Variants in ZNF462 observed in about 807,000 individuals in gnomAD.
ZNF462 encodes zinc finger PBX1-interacting protein.
In ZNF462, 10 loss-of-function variants were observed where a neutral mutation model predicts 201.9. That is an observed-to-expected ratio of 0.05 (90% CI 0.03 to 0.08). The LOEUF is 0.08. Among genes scored for constraint, ZNF462 ranks in the 10% least tolerant of loss-of-function variants. The pLI is 1.00. For synonymous variants in ZNF462, 1,227 were observed against 1,193.3 expected (o/e 1.03, Z -0.58); for missense variants, 2,523 against 3,168.3 (o/e 0.80, Z 4.89).
At chr9:106,991,473 T>C (rs926026999) in intron 10 of ZNF462, among the ~76,000 whole-genome samples, 1 of 151,946 alleles carries the variant, frequency 6.6e-6, no homozygotes, top group Admixed American at 6.6e-5. Flanking sequence ...TTCATAATCA[T>C]GTACAGATTC....
intron 1 of ZNF462, among the ~76,000 whole-genome samples, chr9:106,864,031 G>T (rs1198891921): frequency 2.1e-5 from 2 of 93,086 alleles, no homozygotes; most frequent in East Asian, 6.9e-4. Context: ...CTCTTCCTCA[G>T]GTATTTGGCT....
At position 106,950,672 on chromosome 9, in the gene ZNF462, GT is replaced by G. The variant is rs1831303587; in HGVS notation, c.6427+11567del. ...CCTATTAGCACATTAAAATTGATCA[GT>G]TCTGTGTGTTGTTCTGTGGACAATA... On this transcript the variant is annotated intron_variant, in intron 7 of 12. Coordinates refer to ENST00000277225, the MANE Select transcript of ZNF462 (RefSeq NM_021224.6). This position sits in a 1 kb window ranked among gnomAD's most constrained non-coding sequence, Gnocchi z 4.1. 1.3e-5 allele frequency among the ~76,000 whole-genome samples: 2 copies of G among 152,168 alleles called. No homozygotes were observed. The highest frequency in any genetic ancestry group is 1.3e-4 in the Admixed American group (2 of 15,268).
intron 9 of ZNF462, chr9:106,975,663 G>A (rs73668717): frequency 0.018 from 2,692 of 152,394 alleles, 76 homozygotes; most frequent in African/African-American, 0.062. Context: ...ATGTGTTGCG[G>A]TGGCTCTGTG....
chr9:106,867,704 TA>T (rs1827403520), intron 1 of ZNF462, among the ~76,000 whole-genome samples: 1 of 152,152 alleles, frequency 6.6e-6, no homozygotes, highest in African/African-American at 2.4e-5. Context: ...AAAGGAATGG[TA>T]AAGTTGCAAT....
rs534078342 is a variant in ZNF462, at chr9:106,890,572, G to A, written c.-31+27217G>A. Among the ~76,000 whole-genome samples the A allele has an allele frequency of 2.0e-5, 3 of 152,300 alleles. No individual in the cohort carries two copies. The highest frequency in any genetic ancestry group is 7.2e-5 in the African/African-American group (3 of 41,556). Reference sequence around the variant, plus strand: ...CCATTTGTAGTGAGAAACATTTGAAGCTTGTCCCCACTCAACAATGATGAT... The same window carrying A: ...CCATTTGTAGTGAGAAACATTTGAAACTTGTCCCCACTCAACAATGATGAT... On this transcript the variant is annotated intron_variant, in intron 1 of 12. Coordinates refer to ENST00000277225, the MANE Select transcript of ZNF462 (RefSeq NM_021224.6). This position sits in a 1 kb window ranked among gnomAD's most constrained non-coding sequence, Gnocchi z 4.2.
In ZNF462 at chr9:107,013,069, T is replaced by C. The variant is rs1307994441; in HGVS notation, c.*2039T>C. 1 of 143,718 alleles carries C rather than the reference T, an allele frequency of 7.0e-6. No individual in the cohort carries two copies. The highest frequency in any genetic ancestry group is 2.1e-4 in the South Asian group (1 of 4,800). The allele number at this position is 143,718 out of a possible 1,614,324, so 8.9% of individuals were successfully genotyped here. Reference sequence around the variant, plus strand: ...TGTATTAAACAGTTCCATACCTGGATTGGGTGTTTGTAATGGTTACCAAAA... The same window carrying C: ...TGTATTAAACAGTTCCATACCTGGACTGGGTGTTTGTAATGGTTACCAAAA... On this transcript the variant is annotated 3_prime_UTR_variant, in exon 13 of 13. Coordinates refer to ENST00000277225, the MANE Select transcript of ZNF462 (RefSeq NM_021224.6).
At position 106,883,007 on chromosome 9, in the gene ZNF462, A is replaced by G. The variant is rs1032136970; in HGVS notation, c.-31+19652A>G. On this transcript the variant is annotated intron_variant, in intron 1 of 12. Coordinates refer to ENST00000277225, the MANE Select transcript of ZNF462 (RefSeq NM_021224.6). The surrounding 1 kb of genome is among the most constrained non-coding windows in gnomAD (Gnocchi z 4.9). ...ATGTTCTTTGAAGATGGTCAAGCAG[A>G]TTCAGAAAACATCCTTCTTCACCTT... Among the ~76,000 whole-genome samples the G allele has an allele frequency of 1.3e-5, 2 of 152,244 alleles. No individual in the cohort carries two copies. The highest frequency in any genetic ancestry group is 1.5e-5 in the Non-Finnish European group (1 of 68,038).
rs1305395646 is a variant in ZNF462, at chr9:106,927,601, C to T, written c.3689C>T (p.Thr1230Met). The T allele has an allele frequency of 2.5e-6, 4 of 1,613,892 alleles. No homozygotes were observed. The highest frequency in any genetic ancestry group is 3.4e-6 in the Non-Finnish European group (4 of 1,179,938). Residue 1230 changes from threonine to methionine, a missense_variant, in exon 3 of 13, where the codon ACG becomes ATG. Physicochemically the swap from Thr to Met is moderately conservative, Grantham distance 81. This residue lies in a region of ZNF462 where 222 missense variants were observed against 271.6 expected (regional missense o/e 0.82). Transcript: ENST00000277225. Reference sequence around the variant, plus strand: ...AATGCAGATGTGATCCGGCAGCATACGGCCACCATTCGAAGCCTCTGCGAC... The same window carrying T: ...AATGCAGATGTGATCCGGCAGCATATGGCCACCATTCGAAGCCTCTGCGAC... ...KANADVIRQHTATIRSLCDRN... is the reference protein window; with the variant it reads ...KANADVIRQHMATIRSLCDRN...
chr9:106,927,735 C>T lies in ZNF462; in HGVS notation c.3823C>T (p.Pro1275Ser), dbSNP rs2131491241. The change falls in exon 3 of 13, where the codon CCC becomes TCC. Residue 1275 changes from proline to serine, a missense_variant. Physicochemically the swap from Pro to Ser is moderately conservative, Grantham distance 74. Coordinates refer to ENST00000277225, the MANE Select transcript of ZNF462 (RefSeq NM_021224.6). The stretch of plus-strand genomic sequence containing the variant: ...ATGTAGGCAGTGCTCATATACCTCC[C>T]CCTACTTCTATGCACTGAGGAAGCA... ...LKCRQCSYTS[P>S]YFYALRKHIK... The T allele has an allele frequency of 6.2e-7, 1 of 1,614,128 alleles. No individual in the cohort carries two copies. Among genetic ancestry groups the T allele is most frequent in the Non-Finnish European group, 8.5e-7 (1 of 1,180,028 alleles).
rs75023165 is a variant in ZNF462, at chr9:107,005,404, G to C, written c.7189+1978G>C. 2.6e-5 allele frequency among the ~76,000 whole-genome samples: 4 copies of C among 152,214 alleles called. No individual in the cohort carries two copies. The highest frequency in any genetic ancestry group is 5.9e-5 in the Non-Finnish European group (4 of 68,002). ...CTTCACTCTTTTTGATAATAGCCTC[G>C]TAACAGGTGTGAAGTGATAGCTCAT... On this transcript the variant is annotated intron_variant, in intron 11 of 12. Coordinates refer to ENST00000277225, the MANE Select transcript of ZNF462 (RefSeq NM_021224.6). This position sits in a 1 kb window ranked among gnomAD's most constrained non-coding sequence, Gnocchi z 4.4.
Position 106,890,332 on chromosome 9 carries a change from C to G in ZNF462, c.-31+26977C>G, listed in dbSNP as rs1828519867. Among the ~76,000 whole-genome samples the G allele has an allele frequency of 6.6e-6, 1 of 152,210 alleles. No individual in the cohort carries two copies. The highest frequency in any genetic ancestry group is 2.4e-5 in the African/African-American group (1 of 41,458). ...CAACCCGGCAACACATGCAGTGCCCCTTCCGGGAACACTGGTGATCTTCTG... is the reference window on the plus strand; with the variant it reads ...CAACCCGGCAACACATGCAGTGCCCGTTCCGGGAACACTGGTGATCTTCTG... On this transcript the variant is annotated intron_variant, in intron 1 of 12. Transcript: ENST00000277225. This position sits in a 1 kb window ranked among gnomAD's most constrained non-coding sequence, Gnocchi z 4.2.
chr9:106,951,012 C>T (rs1831320590), intron 7 of ZNF462, among the ~76,000 whole-genome samples: 1 of 151,882 alleles, frequency 6.6e-6, no homozygotes, highest in African/African-American at 2.4e-5. Flanking sequence ...ATTGCTTGAA[C>T]CCAGGAGACA....
chr9:106,908,902 C>CGTATATACATATATATATAT (rs1564090567), intron 1 of ZNF462, among the ~76,000 whole-genome samples: 11 of 77,222 alleles, frequency 1.4e-4, no homozygotes, highest in African/African-American at 5.1e-4. Flanking sequence ...AATATTTGCC[C>CGTATATACATATATATATAT]ATATATACAT....
intron 4 of ZNF462, chr9:106,931,018 G>A (rs1379480025): frequency 6.1e-5 from 14 of 231,034 alleles, no homozygotes; most frequent in Admixed American, 2.4e-4. Context: ...CAAGTTGCCC[G>A]AGCTCTTGAG....
chr9:106,976,544 T>C (rs1827017271), intron 9 of ZNF462: 1 of 152,194 alleles, frequency 6.6e-6, no homozygotes, highest in Non-Finnish European at 1.5e-5. Flanking sequence ...TCAATCGCAG[T>C]CCTTTGATCC....
intron 10 of ZNF462, among the ~76,000 whole-genome samples, chr9:106,996,666 A>AT (rs1170570822): frequency 1.3e-5 from 2 of 151,638 alleles, no homozygotes; most frequent in Non-Finnish European, 2.9e-5. Context: ...GGGTTGTTTG[A>AT]TTTTTTTCTT....
rs371680408 is a variant in ZNF462, at chr9:106,932,494, C to T, written c.6061C>T (p.Arg2021Cys). 23 of 1,614,096 alleles carry T rather than the reference C, an allele frequency of 1.4e-5. No homozygotes were observed. Among genetic ancestry groups the T allele is most frequent in the South Asian group, 6.6e-5 (6 of 91,088 alleles). ...CCACCTGGCCCTGGCCATGTTTACC[C>T]GCGAGGACAAGTACAGCTGCCAGTA... ...RSHLALAMFT[R>C]EDKYSCQYCS... is the part of the protein sequence containing the mutation. Residue 2021 changes from arginine (R) to cysteine (C), a missense_variant, in exon 5 of 13, where the codon CGC becomes TGC. Physicochemically the swap from Arg to Cys is radical, Grantham distance 180. Transcript: ENST00000277225. The surrounding 1 kb of genome is among the most constrained non-coding windows in gnomAD (Gnocchi z 6.8).
chr9:106,912,193 T>C (rs1321039840), intron 1 of ZNF462, among the ~76,000 whole-genome samples: 3 of 152,172 alleles, frequency 2.0e-5, no homozygotes, highest in Non-Finnish European at 4.4e-5. Context: ...AACAAGATGA[T>C]GTTTCTCGTG....
rs1831290509 is a variant in ZNF462 at position 106,950,402 on chromosome 9, T to C, written c.6427+11295T>C. 6.6e-6 allele frequency among the ~76,000 whole-genome samples: 1 copy of C among 152,222 alleles called. No individual in the cohort carries two copies. The highest frequency in any genetic ancestry group is 2.1e-4 in the South Asian group (1 of 4,832). ...ATGGAGTGAGCAGCTGTGTGGTTAG[T>C]AGCTGTGGCAATCACAAATTATTGT... On this transcript the variant is annotated intron_variant, in intron 7 of 12. Coordinates refer to ENST00000277225, the MANE Select transcript of ZNF462 (RefSeq NM_021224.6). The surrounding 1 kb of genome is among the most constrained non-coding windows in gnomAD (Gnocchi z 4.1).
Sources: allele counts gnomAD v4.1 joint callset (sites outside exome capture counted in the v4.1 genomes callset), GRCh38; gene constraint gnomAD v4.1.1; regional missense constraint gnomAD v4.1.1; non-coding constraint Gnocchi (gnomAD v3.1); transcripts MANE v1.5; gene names NCBI Gene and HGNC (gene_info 2026-07-23, HGNC 2026-07-21).